IGFBP7: variants seen among roughly 807,000 people sequenced by gnomAD.
IGFBP7 encodes insulin-like growth factor-binding protein 7.
Under a neutral mutation model 29.4 loss-of-function variants are expected in IGFBP7, and 31 were observed. The ratio of observed to expected loss-of-function variants is 1.05; its 90% CI spans 0.79 to 1.42. The LOEUF is 1.42. Among genes scored for constraint, IGFBP7 ranks in the 40% most tolerant of loss-of-function variants. The probability of loss-of-function intolerance (pLI) is 0.00; values close to 1 mark genes in which losing one functional copy is unlikely to be tolerated. For synonymous variants in IGFBP7, 172 were observed against 174.9 expected, an observed-to-expected ratio of 0.98 and a Z score of 0.13; for missense variants, 393 against 395.5, an observed-to-expected ratio of 0.99 and a Z score of 0.05.
chr4:57,035,412 T>G, intron 2 of IGFBP7, among the ~76,000 whole-genome samples: 1 of 152,154 alleles, frequency 6.6e-6, no homozygotes. Context: ...TATGTCAAAC[T>G]CTCCCTTATT....
At chr4:57,101,888 T>C (rs1217625022) in intron 1 of IGFBP7, among the ~76,000 whole-genome samples, 1 of 152,170 alleles carries the variant, frequency 6.6e-6, no homozygotes, top group African/African-American at 2.4e-5. Flanking sequence ...TGAAATTACC[T>C]TAAATAAGTG....
At chr4:57,079,452 C>T (rs1026635295) in intron 1 of IGFBP7, among the ~76,000 whole-genome samples, 8 of 151,982 alleles carry the variant, frequency 5.3e-5, no homozygotes, top group Non-Finnish European at 8.8e-5. Context: ...TACACATTAA[C>T]ACGGTCCTCC....
chr4:57,084,122 C>G (rs1447425695), intron 1 of IGFBP7, among the ~76,000 whole-genome samples: 1 of 152,136 alleles, frequency 6.6e-6, no homozygotes, highest in Non-Finnish European at 1.5e-5. Context: ...AAAATAAAGA[C>G]TGGATAATGC....
chr4:57,093,577 C>G (rs1725689372), intron 1 of IGFBP7, among the ~76,000 whole-genome samples: 1 of 151,836 alleles, frequency 6.6e-6, no homozygotes, highest in East Asian at 1.9e-4. Flanking sequence ...TAGAGACTAA[C>G]TGCCAAACAG....
intron 2 of IGFBP7, among the ~76,000 whole-genome samples, chr4:57,038,336 T>C (rs1724133662): frequency 6.6e-6 from 1 of 152,196 alleles, no homozygotes; most frequent in Admixed American, 6.5e-5. Context: ...TCCCACTGCA[T>C]AGGAAGCTTT....
chr4:57,109,256 T>TAAAAC lies in IGFBP7; in HGVS notation c.475+616_475+620dup, dbSNP rs1448625420. Among the ~76,000 whole-genome samples, 481 of 151,814 alleles carry TAAAAC rather than the reference T, an allele frequency of 3.2e-3. 2 individuals carry two copies. The highest frequency in any genetic ancestry group is 0.011 in the African/African-American group (452 of 41,290). ...GCAACATAGTGAAACTCCGTCGCTA[T>TAAAAC]AAAACAAAACAAAACAAAACAAAAA... On this transcript the variant is annotated intron_variant, in intron 1 of 4. Transcript: ENST00000295666.
At chr4:57,098,647 C>T (rs1246739117) in intron 1 of IGFBP7, among the ~76,000 whole-genome samples, 1 of 152,194 alleles carries the variant, frequency 6.6e-6, no homozygotes, top group Admixed American at 6.5e-5. Context: ...GATCTCTGCC[C>T]CAGCCTGCCC....
chr4:57,056,437 A>G (rs1255894499), intron 1 of IGFBP7, among the ~76,000 whole-genome samples: 1 of 151,934 alleles, frequency 6.6e-6, no homozygotes, highest in Non-Finnish European at 1.5e-5. Context: ...CTACAAGACA[A>G]TTTTTCTGAG....
intron 1 of IGFBP7, among the ~76,000 whole-genome samples, chr4:57,068,943 C>T (rs1343879860): frequency 3.9e-5 from 6 of 152,090 alleles, no homozygotes; most frequent in Non-Finnish European, 7.3e-5. Context: ...TGGATGCAGG[C>T]CCCTTCTGAA....
intron 1 of IGFBP7, among the ~76,000 whole-genome samples, chr4:57,055,492 T>G (rs915149186): frequency 1.3e-5 from 2 of 152,138 alleles, no homozygotes; most frequent in South Asian, 4.1e-4. Context: ...TAGGTCTTTT[T>G]GGGGAGTGAG....
chr4:57,042,635 A>G (rs188165496), intron 1 of IGFBP7, among the ~76,000 whole-genome samples: 2 of 152,238 alleles, frequency 1.3e-5, no homozygotes, highest in Admixed American at 6.5e-5. Context: ...GGCGTGAGCC[A>G]CTATGCCCGG....
chr4:57,034,160 C>T (rs534176406), intron 2 of IGFBP7, among the ~76,000 whole-genome samples: 1 of 151,588 alleles, frequency 6.6e-6, no homozygotes, highest in African/African-American at 2.4e-5. Context: ...AGAAGAAACT[C>T]AGTTTCTTTG....
At chr4:57,056,350 C>G (rs994253101) in intron 1 of IGFBP7, among the ~76,000 whole-genome samples, 1 of 152,116 alleles carries the variant, frequency 6.6e-6, no homozygotes. Context: ...GCTCCTCTTA[C>G]GCTAGTGTAG....
intron 1 of IGFBP7, among the ~76,000 whole-genome samples, chr4:57,058,727 C>G (rs191546660): frequency 8.1e-4 from 124 of 152,256 alleles, no homozygotes; most frequent in Admixed American, 6.1e-3. Context: ...GCAATTGCAA[C>G]AGAAGCAAAA....
rs144983841 is a variant in IGFBP7 at position 57,057,246 on chromosome 4, G to A, written c.476-16313C>T. On this transcript the variant is annotated intron_variant, in intron 1 of 4. Coordinates refer to ENST00000295666, the MANE Select transcript of IGFBP7 (RefSeq NM_001553.3). ...GCTGGTCTCGAACTCCTGGGCTCAA[G>A]TGATCCCCCTGCCTTGGCCTCCCAA... is the stretch of plus-strand genomic sequence containing the variant. 2.8e-3 allele frequency among the ~76,000 whole-genome samples: 429 copies of A among 152,358 alleles called. 3 individuals are homozygous for A. Among genetic ancestry groups the A allele is most frequent in the African/African-American group, 0.01 (418 of 41,596 alleles).
chr4:57,101,843 C>T (rs1028240696), intron 1 of IGFBP7, among the ~76,000 whole-genome samples: 1 of 151,954 alleles, frequency 6.6e-6, no homozygotes, highest in African/African-American at 2.4e-5. Context: ...CACTGCTATC[C>T]CCACATAAGA....
At chr4:57,102,618 T>A (rs1270564107) in intron 1 of IGFBP7, among the ~76,000 whole-genome samples, 1 of 152,238 alleles carries the variant, frequency 6.6e-6, no homozygotes, top group Non-Finnish European at 1.5e-5. Context: ...GCATCTTCCA[T>A]TTAATAACTA....
At chr4:57,054,650 A>G (rs1447075519) in intron 1 of IGFBP7, among the ~76,000 whole-genome samples, 3 of 148,866 alleles carry the variant, frequency 2.0e-5, no homozygotes, top group African/African-American at 7.4e-5. Flanking sequence ...AAAAAAAAAA[A>G]AAAAAAAAAA....
chr4:57,109,914 C>T lies in IGFBP7; in HGVS notation c.438G>A (p.Lys146=). 1 of 1,557,192 alleles carries T rather than the reference C, an allele frequency of 6.4e-7. No homozygotes were observed. The highest frequency in any genetic ancestry group is 8.6e-7 in the Non-Finnish European group (1 of 1,157,888). The change falls in exon 1 of 5, where the codon AAG becomes AAA. Residue 146 remains lysine (K), a synonymous_variant. Coordinates refer to ENST00000295666, the MANE Select transcript of IGFBP7 (RefSeq NM_001553.3). The part of the protein sequence containing the change: ...ASQRAESRGE[K]AITQVSKGTC... ...TGCCCTTGCTGACCTGGGTGATGGC[C>T]TTCTCCCCGCGGCTCTCGGCCCTCT... is the stretch of plus-strand genomic sequence containing the variant.
Sources: gnomAD v4.1 joint callset for allele counts (sites outside exome capture counted in the v4.1 genomes callset) on GRCh38, gnomAD v4.1.1 for gene constraint, MANE v1.5 for transcripts, NCBI Gene and HGNC (gene_info 2026-07-23, HGNC 2026-07-21) for gene names.